Variants in BRD3 observed in about 807,000 individuals in gnomAD.
The protein encoded by BRD3 is bromodomain-containing protein 3.
A neutral mutation model predicts 66.8 loss-of-function variants in BRD3; 17 were observed. The ratio of observed to expected loss-of-function variants is 0.25; its 90% CI spans 0.17 to 0.38. The LOEUF (loss-of-function observed/expected upper bound fraction) is 0.38, where lower values mean the gene tolerates loss of function less well. BRD3 is among the 10% of genes least tolerant of loss of function. BRD3 has a pLI of 1.00. For synonymous variants in BRD3, 421 were observed against 393.2 expected (o/e 1.07, Z -0.84); for missense variants, 713 against 956.1 (o/e 0.75, Z 3.35).
intron 9 of BRD3, chr9:134,036,704 T>TA (rs1413601415): frequency 1.0e-6 from 1 of 961,230 alleles, no homozygotes; most frequent in African/African-American, 1.6e-5. Context: ...TATCAATAAT[T>TA]ATGTGAAATA....
At chr9:134,034,605 C>T in intron 11 of BRD3, 96 bp downstream of exon 11, 2 of 1,513,818 alleles carry the variant, frequency 1.3e-6, no homozygotes, top group Non-Finnish European at 1.8e-6. Flanking sequence ...AGGAGGTAAG[C>T]CACACTCAGA....
At chr9:134,068,068 G>A (rs908220964), upstream of BRD3, 2 of 144,716 alleles carry the variant, frequency 1.4e-5, no homozygotes, top group African/African-American at 5.0e-5. Flanking sequence ...CTGCGCCGCG[G>A]CGCCTGGCGG....
At chr9:134,040,722 A>G in intron 8 of BRD3, among the ~76,000 whole-genome samples, 1 of 152,222 alleles carries the variant, frequency 6.6e-6, no homozygotes, top group East Asian at 1.9e-4. Context: ...TTGTTCAGAT[A>G]AGGAAGGACT....
In BRD3 at chr9:134,053,866, C is replaced by T. The variant is rs552527844; in HGVS notation, c.-113-276G>A. 6 of 234,538 alleles carry T rather than the reference C, an allele frequency of 2.6e-5. No individual in the cohort carries two copies. In the South Asian group the frequency reaches 7.5e-4, roughly 29 times the overall value. 14.5% of individuals were successfully genotyped at this position (234,538 alleles called of 1,614,324 possible). ...AGCTCAGGCACATGCCACTTGCTCC[C>T]AGGTGGGGGCTTGGGGAACACACTG... On this transcript the variant is annotated intron_variant, in intron 1 of 11. Coordinates refer to ENST00000303407, the MANE Select transcript of BRD3 (RefSeq NM_007371.4).
rs567265957 is a variant in BRD3, at chr9:134,034,910, C to T, written c.1937-81G>A. 81 of 1,587,776 alleles carry T rather than the reference C, an allele frequency of 5.1e-5. 1 individual carries two copies. The South Asian group carries it at 8.9e-4, about 17-fold the overall frequency. ...CAGGGCTGCATCCAGGTGGCCAAGG[C>T]CCCAGCCCTGCACACTGGCATCCAT... On this transcript the variant is annotated intron_variant, in intron 10 of 11. Coordinates refer to ENST00000303407, the MANE Select transcript of BRD3 (RefSeq NM_007371.4).
chr9:134,065,955 G>A (rs1044431816), intron 1 of BRD3, among the ~76,000 whole-genome samples: 1 of 152,178 alleles, frequency 6.6e-6, no homozygotes, highest in Non-Finnish European at 1.5e-5. Flanking sequence ...TGACTACTTC[G>A]GAGTGTAGGG....
At chr9:134,036,502 T>C in intron 9 of BRD3, 178 bp from the exon 10 acceptor site, 1 of 1,590,900 alleles carries the variant, frequency 6.3e-7, no homozygotes, top group Non-Finnish European at 8.5e-7. Context: ...GCTGCGGGGT[T>C]TCCAGCCCTT....
intron 8 of BRD3, among the ~76,000 whole-genome samples, chr9:134,040,700 T>G (rs1830025783): frequency 6.6e-6 from 1 of 152,212 alleles, no homozygotes; most frequent in African/African-American, 2.4e-5. Flanking sequence ...GCTAACATTT[T>G]TATTATTACC....
intron 4 of BRD3, among the ~76,000 whole-genome samples, chr9:134,050,852 G>A (rs893368695): frequency 6.6e-6 from 1 of 152,206 alleles, no homozygotes; most frequent in Non-Finnish European, 1.5e-5. Context: ...AGCCAAGGCA[G>A]TCCCATGGCC....
chr9:134,042,131 C>T (rs1379561456), intron 7 of BRD3, among the ~76,000 whole-genome samples, 180 bp from the exon 8 acceptor site: 1 of 152,116 alleles, frequency 6.6e-6, no homozygotes, highest in Non-Finnish European at 1.5e-5. Context: ...AGCTTGCCCA[C>T]CCTCCCTCCC....
In BRD3 at chr9:134,048,474, A is replaced by G; in HGVS notation, c.715-20T>C. On this transcript the variant is annotated intron_variant, in intron 5 of 11. Transcript: ENST00000303407. ...CTTTTTCTGCGACAGTGAAATAACC[A>G]GTGAACCCCGGAAACCAGGGGCCCC... The G allele has an allele frequency of 6.3e-7, 1 of 1,597,950 alleles. No homozygotes were observed. The highest frequency in any genetic ancestry group is 8.5e-7 in the Non-Finnish European group (1 of 1,179,650).
chr9:134,063,369 C>A (rs1009757039), intron 1 of BRD3, among the ~76,000 whole-genome samples: 2 of 152,216 alleles, frequency 1.3e-5, no homozygotes, highest in Non-Finnish European at 2.9e-5. Flanking sequence ...ATACCCAGGG[C>A]TCTGTCCTGT....
chr9:134,048,281 G>A lies in BRD3; in HGVS notation c.888C>T (p.Gly296=), dbSNP rs141698176. Residue 296 remains glycine, a synonymous_variant, in exon 6 of 12, where the codon GGC becomes GGT. Transcript: ENST00000303407. The part of the protein sequence containing the change: ...IKPPKKDLED[G]EVPQHAGKKG... Reference sequence around the variant, plus strand: ...TCTTGCCTGCGTGCTGGGGCACCTCGCCGTCCTCCAGGTCCTTCTTGGGAG... The same window carrying A: ...TCTTGCCTGCGTGCTGGGGCACCTCACCGTCCTCCAGGTCCTTCTTGGGAG... The A allele has an allele frequency of 5.8e-4, 933 of 1,606,778 alleles. 2 individuals carry two copies. The highest frequency in any genetic ancestry group is 7.4e-4 in the Non-Finnish European group (876 of 1,178,352).
chr9:134,047,628 G>C (rs1830202889), intron 6 of BRD3, among the ~76,000 whole-genome samples: 1 of 152,208 alleles, frequency 6.6e-6, no homozygotes, highest in Non-Finnish European at 1.5e-5. Flanking sequence ...TTGTGAGGGG[G>C]TGGGGCTTGG....
At position 134,045,723 on chromosome 9, in the gene BRD3, GC is replaced by G. The variant is rs1370873622; in HGVS notation, c.1087-303del. Among the ~76,000 whole-genome samples the G allele has an allele frequency of 6.6e-6, 1 of 152,154 alleles. No homozygotes were observed. Among genetic ancestry groups the G allele is most frequent in the African/African-American group, 2.4e-5 (1 of 41,430 alleles). On this transcript the variant is annotated intron_variant, in intron 6 of 11. Coordinates refer to ENST00000303407, the MANE Select transcript of BRD3 (RefSeq NM_007371.4). This position sits in a 1 kb window ranked among gnomAD's most constrained non-coding sequence, Gnocchi z 4.8. ...CCCAGGTTCCCGTAGGCGTCCCTTG[GC>G]CCCTTCCTTGTCCAGAGCTTCCCTT...
chr9:134,062,709 C>A (rs1171047530), intron 1 of BRD3, among the ~76,000 whole-genome samples: 2 of 152,210 alleles, frequency 1.3e-5, no homozygotes, highest in African/African-American at 4.8e-5. Context: ...CGACCCTCCA[C>A]ACATGCTGGG....
chr9:134,068,170 CCCCGCCCCGGGGGCCCCCG>C (rs944125168), upstream of BRD3, among the ~76,000 whole-genome samples: 6 of 144,136 alleles, frequency 4.2e-5, no homozygotes, highest in East Asian at 4.2e-4. Context: ...CGGCGCCGCG[CCCCGCCCCGGGGGCCCCCG>C]CCCGCCCCGC....
chr9:134,060,834 C>T (rs60940619), intron 1 of BRD3, among the ~76,000 whole-genome samples: 4,555 of 152,276 alleles, frequency 0.03, 233 homozygotes, highest in African/African-American at 0.1. Context: ...CACCTCTGGC[C>T]CTGAAGCTGT....
Position 134,053,356 on chromosome 9 carries a change from T to C in BRD3, c.122A>G (p.Tyr41Cys). 6.2e-7 allele frequency: 1 copy of C among 1,611,796 alleles called. No homozygotes were observed. Among genetic ancestry groups the C allele is most frequent in the Non-Finnish European group, 8.5e-7 (1 of 1,179,170 alleles). ...KPGRKTNQLQYMQNVVVKTLW... is the reference protein window; with the variant it reads ...KPGRKTNQLQCMQNVVVKTLW... ...CGTCTTCACCACCACATTCTGCATG[T>C]ACTGCAGCTGGTTGGTCTTGCGGCC... Residue 41 changes from tyrosine (Y) to cysteine (C), a missense_variant, in exon 2 of 12, where the codon TAC (tyrosine) becomes TGC (cysteine). Around this residue, in one of 5 missense-constraint regions of BRD3, gnomAD observed 85 missense variants for 152.4 expected, o/e 0.56. Transcript: ENST00000303407.
Sources: gnomAD v4.1 joint callset for allele counts (sites outside exome capture counted in the v4.1 genomes callset) on GRCh38, gnomAD v4.1.1 for gene constraint, gnomAD v4.1.1 regional missense constraint, Gnocchi (gnomAD v3.1) non-coding constraint, MANE v1.5 for transcripts, NCBI Gene and HGNC (gene_info 2026-07-23, HGNC 2026-07-21) for gene names.